TMEM132D: variants seen among roughly 807,000 people sequenced by gnomAD.
TMEM132D encodes the protein mature OL transmembrane protein.
TMEM132D carries 21 observed loss-of-function variants against 62.3 expected under a neutral mutation model. That is an observed-to-expected ratio of 0.34 (90% CI 0.24 to 0.49). The LOEUF (loss-of-function observed/expected upper bound fraction) is 0.49. Among genes scored for constraint, TMEM132D ranks in the 20% least tolerant of loss-of-function variants. The pLI, the probability that TMEM132D is intolerant of heterozygous loss-of-function variation, is 0.99. For missense variants in TMEM132D, 1,346 were observed against 1,402.8 expected (o/e 0.96, Z 0.65); for synonymous variants, 621 against 575.6 (o/e 1.08, Z -1.13).
intron 1 of TMEM132D, among the ~76,000 whole-genome samples, chr12:129,833,237 TAC>T (rs997033904): frequency 2.6e-5 from 4 of 152,202 alleles, no homozygotes; most frequent in African/African-American, 7.2e-5. Flanking sequence ...TCAAGTAAGC[TAC>T]AGTCGGACAC....
intron 2 of TMEM132D, among the ~76,000 whole-genome samples, chr12:129,691,655 G>A (rs1005952617): frequency 6.6e-6 from 1 of 152,042 alleles, no homozygotes; most frequent in Non-Finnish European, 1.5e-5. Flanking sequence ...AATATTTGAG[G>A]TGATGAATAT....
At position 129,895,225 on chromosome 12, in the gene TMEM132D, G is replaced by A. The variant is rs117288151; in HGVS notation, c.79+8036C>T. On this transcript the variant is annotated intron_variant, in intron 1 of 8. Coordinates refer to ENST00000422113, the MANE Select transcript of TMEM132D (RefSeq NM_133448.3). ...TGTGGACAACAGTGCTGGGGTGAGC[G>A]CTAATCCCAGTGCCCAGCATCAGTA... Among the ~76,000 whole-genome samples the A allele has an allele frequency of 3.9e-5, 6 of 152,290 alleles. No individual in the cohort carries two copies. The East Asian group carries it at 9.6e-4, about 24-fold the overall frequency.
chr12:129,289,547 T>TAAAAAAAAAAAAAAA (rs59709658), intron 4 of TMEM132D, among the ~76,000 whole-genome samples: 6 of 91,772 alleles, frequency 6.5e-5, no homozygotes, highest in East Asian at 3.1e-4. Context: ...TCCATCTCAA[T>TAAAAAAAAAAAAAAA]AAAAAAAAAA....
chr12:129,404,197 G>GTTATTTAT (rs10528429), intron 3 of TMEM132D, among the ~76,000 whole-genome samples: 3 of 151,586 alleles, frequency 2.0e-5, no homozygotes, highest in Non-Finnish European at 2.9e-5. Flanking sequence ...GGGTTATTTA[G>GTTATTTAT]TTATTTATTT....
intron 1 of TMEM132D, among the ~76,000 whole-genome samples, chr12:129,863,397 A>T (rs1025850010): frequency 6.6e-6 from 1 of 152,232 alleles, no homozygotes; most frequent in Admixed American, 6.5e-5. Flanking sequence ...CAAAGTGTAC[A>T]GCATCTCACA....
intron 3 of TMEM132D, among the ~76,000 whole-genome samples, chr12:129,398,005 A>T (rs377295259): frequency 6.6e-6 from 1 of 152,218 alleles, no homozygotes; most frequent in Non-Finnish European, 1.5e-5. Flanking sequence ...TAGGTGCTTC[A>T]GTTCTCTCAG....
chr12:129,272,582 C>T (rs563513637), intron 4 of TMEM132D, among the ~76,000 whole-genome samples: 12 of 151,810 alleles, frequency 7.9e-5, no homozygotes, highest in East Asian at 1.9e-4. Context: ...GTTGGCTGCA[C>T]GGATGTCGTC....
chr12:129,381,176 C>T (rs866646787), intron 3 of TMEM132D, among the ~76,000 whole-genome samples: 2 of 152,190 alleles, frequency 1.3e-5, no homozygotes, highest in African/African-American at 4.8e-5. Context: ...TATTCAAAGC[C>T]ATCGTTGCTG....
intron 3 of TMEM132D, among the ~76,000 whole-genome samples, chr12:129,525,115 T>C (rs1025390821): frequency 2.7e-5 from 4 of 149,100 alleles, no homozygotes; most frequent in East Asian, 2.1e-4. Context: ...TTAGTAGAGA[T>C]GGGGCTTCAC....
intron 1 of TMEM132D, among the ~76,000 whole-genome samples, chr12:129,875,043 A>T (rs1016910849): frequency 6.6e-6 from 1 of 152,256 alleles, no homozygotes; most frequent in African/African-American, 2.4e-5. Flanking sequence ...TATAAAAAGC[A>T]TGTGTAATTT....
chr12:129,828,039 A>T (rs148168529), intron 1 of TMEM132D, among the ~76,000 whole-genome samples: 2 of 152,298 alleles, frequency 1.3e-5, no homozygotes, highest in East Asian at 3.9e-4. Flanking sequence ...ATGCTCACCC[A>T]GTTTAGAGGA....
chr12:129,478,268 A>G (rs1365093475), intron 3 of TMEM132D, among the ~76,000 whole-genome samples: 4 of 152,176 alleles, frequency 2.6e-5, no homozygotes, highest in African/African-American at 4.8e-5. Flanking sequence ...AGAGATTACT[A>G]TACTCTACCA....
At chr12:129,236,514 C>CAAAAAAAAAAAAAAAAAAAA (rs60745384) in intron 4 of TMEM132D, among the ~76,000 whole-genome samples, 6 of 67,078 alleles carry the variant, frequency 8.9e-5, no homozygotes, top group African/African-American at 3.3e-4. Flanking sequence ...GACTCCATCT[C>CAAAAAAAAAAAAAAAAAAAA]AAAAAAAAAA....
At chr12:129,452,222 C>A (rs905965229) in intron 3 of TMEM132D, among the ~76,000 whole-genome samples, 1 of 152,248 alleles carries the variant, frequency 6.6e-6, no homozygotes, top group South Asian at 2.1e-4. Context: ...TGCGTAATAG[C>A]GCCTGTCTTG....
chr12:129,279,762 A>G (rs1166260161), intron 4 of TMEM132D, among the ~76,000 whole-genome samples: 3 of 152,182 alleles, frequency 2.0e-5, no homozygotes, highest in African/African-American at 7.2e-5. Flanking sequence ...CACAACTTAG[A>G]AAAATCAAGA....
chr12:129,586,841 A>G (rs1346886710), intron 2 of TMEM132D, among the ~76,000 whole-genome samples: 1 of 152,184 alleles, frequency 6.6e-6, no homozygotes, highest in Non-Finnish European at 1.5e-5. Flanking sequence ...TGGCATTCCA[A>G]ATCAATAGGG....
At chr12:129,396,596 G>A (rs1283719919) in intron 3 of TMEM132D, among the ~76,000 whole-genome samples, 1 of 152,180 alleles carries the variant, frequency 6.6e-6, no homozygotes, top group African/African-American at 2.4e-5. Context: ...AGGATGCAGG[G>A]AACTGGGGCT....
intron 3 of TMEM132D, among the ~76,000 whole-genome samples, chr12:129,530,803 A>G (rs1250812818): frequency 6.6e-6 from 1 of 152,150 alleles, no homozygotes; most frequent in African/African-American, 2.4e-5. Context: ...TTGTGGGTCA[A>G]TTCCATCTGC....
intron 1 of TMEM132D, among the ~76,000 whole-genome samples, chr12:129,786,830 G>A (rs1281834469): frequency 1.3e-5 from 2 of 152,216 alleles, no homozygotes; most frequent in Non-Finnish European, 2.9e-5. Flanking sequence ...GGTGGAGGTT[G>A]CAGTGAGCCA....
Sources: gnomAD v4.1 joint callset for allele counts (sites outside exome capture counted in the v4.1 genomes callset) on GRCh38, gnomAD v4.1.1 for gene constraint, MANE v1.5 for transcripts, NCBI Gene and HGNC (gene_info 2026-07-23, HGNC 2026-07-21) for gene names.